EIF2S3B: variants seen among roughly 807,000 people sequenced by gnomAD.
EIF2S3B encodes eukaryotic translation initiation factor 2 subunit 3B.
In EIF2S3B, 16 loss-of-function variants were observed where a neutral mutation model predicts 26.4. The observed-to-expected ratio is 0.61, with a 90% CI of 0.41 to 0.92. The LOEUF is 0.92. EIF2S3B is among the 40% of genes least tolerant of loss of function. EIF2S3B has a pLI of 0.00. For missense variants in EIF2S3B, 510 were observed against 575.5 expected, an observed-to-expected ratio of 0.89 and a Z score of 1.16; for synonymous variants, 183 against 204.4, an observed-to-expected ratio of 0.90 and a Z score of 0.89.
intron 1 of EIF2S3B, among the ~76,000 whole-genome samples, chr12:10,516,587 T>C (rs1041228618): frequency 3.3e-5 from 5 of 152,084 alleles, no homozygotes; most frequent in African/African-American, 9.7e-5. Flanking sequence ...CTTTTCCTAA[T>C]TGAATACCCT....
At chr12:10,518,934 C>A (rs1447943601) in intron 1 of EIF2S3B, among the ~76,000 whole-genome samples, 1 of 152,030 alleles carries the variant, frequency 6.6e-6, no homozygotes, top group Non-Finnish European at 1.5e-5. Context: ...CCATACTGCC[C>A]AAGGTAATTT....
downstream of EIF2S3B, among the ~76,000 whole-genome samples, chr12:10,512,617 T>C (rs1434858343): frequency 6.6e-6 from 1 of 152,040 alleles, no homozygotes; most frequent in Non-Finnish European, 1.5e-5. Flanking sequence ...CTCCAACAAA[T>C]ACACTGGTAC....
At chr12:10,522,354 T>A (rs571571092) in intron 1 of EIF2S3B, among the ~76,000 whole-genome samples, 1 of 152,162 alleles carries the variant, frequency 6.6e-6, no homozygotes, top group African/African-American at 2.4e-5. Context: ...TTTAAATAAA[T>A]AAAAAATAAA....
intron 1 of EIF2S3B, among the ~76,000 whole-genome samples, chr12:10,518,892 C>T (rs1246018381): frequency 6.6e-6 from 1 of 152,174 alleles, no homozygotes; most frequent in Non-Finnish European, 1.5e-5. Context: ...ATTCCATGCT[C>T]ATGGGTAGGA....
chr12:10,506,825 A>G lies in EIF2S3B; in HGVS notation c.923A>G (p.Lys308Arg). ...ATTGTTTCCAAAGATAGTGAAGGAAAACTCATGTGTAAATCAATCTTTTCC... is the reference window on the plus strand; with the variant it reads ...ATTGTTTCCAAAGATAGTGAAGGAAGACTCATGTGTAAATCAATCTTTTCC... ...PGIVSKDSEG[K>R]LMCKSIFSKI... The change falls in exon 1 of 1, where the codon AAA becomes AGA. Residue 308 changes from lysine to arginine, a missense_variant. Coordinates refer to ENST00000538173, the MANE Select transcript of EIF2S3B (RefSeq NM_001357734.3). 1 of 1,613,598 alleles carries G rather than the reference A, an allele frequency of 6.2e-7. No individual in the cohort carries two copies. The highest frequency in any genetic ancestry group is 8.5e-7 in the Non-Finnish European group (1 of 1,179,496).
intron 1 of EIF2S3B, among the ~76,000 whole-genome samples, chr12:10,517,422 A>G (rs1025570076): frequency 3.3e-5 from 5 of 152,004 alleles, no homozygotes; most frequent in Non-Finnish European, 7.4e-5. Flanking sequence ...GTATTCTCTG[A>G]TGGTAGTTTG....
chr12:10,508,731 A>C (rs896748489), downstream of EIF2S3B, among the ~76,000 whole-genome samples: 1 of 151,730 alleles, frequency 6.6e-6, no homozygotes, highest in South Asian at 2.1e-4. Context: ...GAATAATCAA[A>C]TTTTTTCTTT....
downstream of EIF2S3B, among the ~76,000 whole-genome samples, chr12:10,511,690 G>A (rs1864705690): frequency 6.6e-6 from 1 of 152,034 alleles, no homozygotes; most frequent in Admixed American, 6.5e-5. Flanking sequence ...TTATTTCAAA[G>A]TTGTGATTAA....
At chr12:10,515,224 C>T (rs1252239096) in intron 1 of EIF2S3B, among the ~76,000 whole-genome samples, 1 of 151,916 alleles carries the variant, frequency 6.6e-6, no homozygotes, top group African/African-American at 2.4e-5. Flanking sequence ...CTTTTATGAC[C>T]TCAAGATGTT....
At position 10,506,625 on chromosome 12, in the gene EIF2S3B, G is replaced by C. The variant is rs749666119; in HGVS notation, c.723G>C (p.Lys241Asn). ...AAGTTGTTTGTGAGTACATAGTAAA[G>C]AAAATTCCAGTACCCCCAAGAGACT... ...NIEVVCEYIVKKIPVPPRDFT... is the reference protein window; with the variant it reads ...NIEVVCEYIVNKIPVPPRDFT... Residue 241 changes from lysine (K) to asparagine (N), a missense_variant, in exon 1 of 1, where the codon AAG becomes AAC. Coordinates refer to ENST00000538173, the MANE Select transcript of EIF2S3B (RefSeq NM_001357734.3). The C allele has an allele frequency of 1.9e-5, 30 of 1,612,188 alleles. No individual in the cohort carries two copies. Among genetic ancestry groups the C allele is most frequent in the Non-Finnish European group, 2.5e-5 (29 of 1,178,370 alleles).
At chr12:10,517,574 T>C (rs957741573) in intron 1 of EIF2S3B, among the ~76,000 whole-genome samples, 1 of 152,196 alleles carries the variant, frequency 6.6e-6, no homozygotes, top group Non-Finnish European at 1.5e-5. Flanking sequence ...CCTGGATCCA[T>C]TAATTTTTTG....
In EIF2S3B at chr12:10,506,810, A is replaced by G; in HGVS notation, c.908A>G (p.Lys303Arg). ...GAAGTAAGACCTGGTATTGTTTCCA[A>G]AGATAGTGAAGGAAAACTCATGTGT... Reference protein sequence around the residue: ...ETEVRPGIVSKDSEGKLMCKS... With the variant: ...ETEVRPGIVSRDSEGKLMCKS... The change falls in exon 1 of 1, where the codon AAA becomes AGA. Residue 303 changes from lysine to arginine, a missense_variant. Coordinates refer to ENST00000538173, the MANE Select transcript of EIF2S3B (RefSeq NM_001357734.3). 2 of 1,613,586 alleles carry G rather than the reference A, an allele frequency of 1.2e-6. No homozygotes were observed. The highest frequency in any genetic ancestry group is 8.5e-7 in the Non-Finnish European group (1 of 1,179,474).
chr12:10,506,869 G>A lies in EIF2S3B; in HGVS notation c.967G>A (p.Ala323Thr), dbSNP rs1442304057. The A allele has an allele frequency of 1.2e-6, 2 of 1,613,504 alleles. No homozygotes were observed. The highest frequency in any genetic ancestry group is 1.7e-6 in the Non-Finnish European group (2 of 1,179,544). ...CTTTTCCAAAATTGTTTCACTTTTT[G>A]CGGAGCATAATGATCTGCAATATGC... ...SIFSKIVSLFAEHNDLQYAAP... is the reference protein window; with the variant it reads ...SIFSKIVSLFTEHNDLQYAAP... Residue 323 changes from alanine to threonine, a missense_variant, in exon 1 of 1, where the codon GCG (alanine) becomes ACG (threonine). Transcript: ENST00000538173.
exon 2 of EIF2S3B, chr12:10,522,604 T>C (rs2137959484): frequency 1.5e-6 from 1 of 688,134 alleles, no homozygotes; most frequent in Admixed American, 2.0e-5. Flanking sequence ...CTCTTCCAGA[T>C]TCATCTAATT....
rs531221068 is a variant in EIF2S3B at position 10,506,745 on chromosome 12, T to C, written c.843T>C (p.Gly281=). 5.6e-6 allele frequency: 9 copies of C among 1,614,022 alleles called. No homozygotes were observed. In the East Asian group the frequency reaches 2.0e-4, roughly 36 times the overall value. ...ACCTTAAGGGAGGTGTAGCTGGTGGTAGTATCCTAAAAGGAGTATTAAAGG... is the reference window on the plus strand; with the variant it reads ...ACCTTAAGGGAGGTGTAGCTGGTGGCAGTATCCTAAAAGGAGTATTAAAGG... The part of the protein sequence containing the change: ...VDDLKGGVAG[G]SILKGVLKVG... The change falls in exon 1 of 1, where the codon GGT becomes GGC. Residue 281 remains glycine (G), a synonymous_variant. Transcript: ENST00000538173.
At chr12:10,513,816 A>T (rs1369765604) in intron 1 of EIF2S3B, among the ~76,000 whole-genome samples, 1 of 152,190 alleles carries the variant, frequency 6.6e-6, no homozygotes, top group Non-Finnish European at 1.5e-5. Context: ...GGAGTTCAAG[A>T]CCAGCCTGAC....
intron 1 of EIF2S3B, among the ~76,000 whole-genome samples, chr12:10,516,155 A>T (rs1864755732): frequency 6.6e-6 from 1 of 152,086 alleles, no homozygotes; most frequent in Admixed American, 6.6e-5. Flanking sequence ...CAACATAATA[A>T]AATCATTTTC....
At chr12:10,515,052 T>G (rs1288851741) in intron 1 of EIF2S3B, among the ~76,000 whole-genome samples, 1 of 152,070 alleles carries the variant, frequency 6.6e-6, no homozygotes, top group East Asian at 1.9e-4. Flanking sequence ...CCAAATCAAT[T>G]TCTAGCCACA....
At chr12:10,512,196 G>A (rs929423707), downstream of EIF2S3B, among the ~76,000 whole-genome samples, 1 of 152,072 alleles carries the variant, frequency 6.6e-6, no homozygotes, top group African/African-American at 2.4e-5. Context: ...TCCACATAGT[G>A]CAGCACTTTA....
Sources: allele counts gnomAD v4.1 joint callset (sites outside exome capture counted in the v4.1 genomes callset), GRCh38; gene constraint gnomAD v4.1.1; transcripts MANE v1.5; gene names NCBI Gene and HGNC (gene_info 2026-07-23, HGNC 2026-07-21).